Variants in DLG2 observed in about 807,000 individuals in gnomAD.
DLG2 encodes disks large homolog 2.
A neutral mutation model predicts 132.5 loss-of-function variants in DLG2; 45 were observed. The ratio of observed to expected loss-of-function variants is 0.34; its 90% CI spans 0.27 to 0.44. The LOEUF is 0.44. Ranked by LOEUF, DLG2 falls within the 20% of genes least tolerant of loss-of-function variation. DLG2 has a pLI of 1.00. For synonymous variants in DLG2, 424 were observed against 419.6 expected, an observed-to-expected ratio of 1.01 and a Z score of -0.13; for missense variants, 1,045 against 1,196.9, an observed-to-expected ratio of 0.87 and a Z score of 1.87.
intron 6 of DLG2, among the ~76,000 whole-genome samples, chr11:85,063,051 C>T (rs933692063): frequency 2.9e-4 from 44 of 151,752 alleles, no homozygotes; most frequent in African/African-American, 1.0e-3. Flanking sequence ...TTAACAAAAT[C>T]TTATATTAAA....
At chr11:84,051,694 A>G (rs560211377) in intron 11 of DLG2, among the ~76,000 whole-genome samples, 2 of 151,684 alleles carry the variant, frequency 1.3e-5, no homozygotes, top group Non-Finnish European at 2.9e-5. Flanking sequence ...TACTGGGTGC[A>G]GCACACCAAC....
At chr11:84,128,338 C>G (rs1000232450) in intron 9 of DLG2, among the ~76,000 whole-genome samples, 2 of 152,076 alleles carry the variant, frequency 1.3e-5, no homozygotes, top group Non-Finnish European at 2.9e-5. Context: ...TCAATGTATA[C>G]TTTGTTGGAG....
intron 7 of DLG2, among the ~76,000 whole-genome samples, chr11:84,284,933 G>A (rs962005499): frequency 1.1e-4 from 17 of 152,184 alleles, no homozygotes; most frequent in African/African-American, 1.9e-4. Context: ...ATAGGTGGAC[G>A]TAGAAAATGT....
intron 7 of DLG2, among the ~76,000 whole-genome samples, chr11:84,394,074 A>C (rs2098802528): frequency 6.6e-6 from 1 of 151,922 alleles, no homozygotes; most frequent in Non-Finnish European, 1.5e-5. Flanking sequence ...ACAGGGTTTC[A>C]CTATGTTGGC....
intron 19 of DLG2, among the ~76,000 whole-genome samples, chr11:83,625,948 AT>A (rs2062448393): frequency 1.3e-5 from 2 of 152,108 alleles, no homozygotes; most frequent in Non-Finnish European, 2.9e-5. Context: ...ATATTTTAAT[AT>A]TTTCTCTCAC....
chr11:84,297,382 T>A (rs2098105421), intron 7 of DLG2, among the ~76,000 whole-genome samples: 1 of 152,150 alleles, frequency 6.6e-6, no homozygotes, highest in Non-Finnish European at 1.5e-5. Context: ...CAGGAAGAGA[T>A]ATATAATACC....
intron 3 of DLG2, among the ~76,000 whole-genome samples, chr11:85,495,083 T>C (rs908436161): frequency 5.9e-5 from 9 of 152,030 alleles, no homozygotes; most frequent in Admixed American, 3.9e-4. Context: ...CCAATGAACA[T>C]ATAAAGAGAT....
At chr11:84,878,080 G>A (rs1566241483) in intron 6 of DLG2, among the ~76,000 whole-genome samples, 2 of 152,214 alleles carry the variant, frequency 1.3e-5, no homozygotes, top group Non-Finnish European at 2.9e-5. Flanking sequence ...TGGAGAGTAT[G>A]TGAAGAAATA....
intron 4 of DLG2, among the ~76,000 whole-genome samples, chr11:85,210,507 G>A (rs945130658): frequency 1.3e-5 from 2 of 152,070 alleles, no homozygotes; most frequent in African/African-American, 2.4e-5. Flanking sequence ...TATCTAAAAT[G>A]GCAGTCTCAT....
At chr11:84,677,121 G>A (rs1454647577) in intron 6 of DLG2, among the ~76,000 whole-genome samples, 1 of 152,006 alleles carries the variant, frequency 6.6e-6, no homozygotes, top group East Asian at 1.9e-4. Context: ...GAAAAATGTA[G>A]GTGCGTGACT....
chr11:84,080,185 G>A (rs147506981), intron 10 of DLG2, among the ~76,000 whole-genome samples: 1 of 152,120 alleles, frequency 6.6e-6, no homozygotes, highest in South Asian at 2.1e-4. Flanking sequence ...AATATTTATA[G>A]GGCCAATAAA....
intron 6 of DLG2, among the ~76,000 whole-genome samples, chr11:84,785,913 T>C (rs1477839824): frequency 1.3e-5 from 2 of 152,144 alleles, no homozygotes; most frequent in African/African-American, 4.8e-5. Flanking sequence ...TTCCATCTTG[T>C]CATTTTCCTA....
At chr11:84,180,678 G>T (rs1318947618) in intron 8 of DLG2, among the ~76,000 whole-genome samples, 1 of 152,010 alleles carries the variant, frequency 6.6e-6, no homozygotes, top group Admixed American at 6.6e-5. Flanking sequence ...AGAAGCTAGT[G>T]GGGGCAGGTG....
intron 3 of DLG2, among the ~76,000 whole-genome samples, chr11:85,401,033 A>T (rs2088037320): frequency 6.6e-6 from 1 of 152,012 alleles, no homozygotes; most frequent in Non-Finnish European, 1.5e-5. Context: ...ACATAACAAA[A>T]AAAAAAGAGA....
intron 6 of DLG2, among the ~76,000 whole-genome samples, chr11:84,763,045 T>C (rs943087523): frequency 6.6e-6 from 1 of 152,204 alleles, no homozygotes; most frequent in African/African-American, 2.4e-5. Context: ...ATTCTCCCCA[T>C]TATGACTTGT....
At chr11:84,544,580 T>C (rs1249433027) in intron 6 of DLG2, among the ~76,000 whole-genome samples, 9 of 152,246 alleles carry the variant, frequency 5.9e-5, no homozygotes, top group Non-Finnish European at 1.0e-4. Flanking sequence ...GCATGAATTC[T>C]GGCATTAGAC....
At chr11:84,373,560 ACT>A (rs1251565899) in intron 7 of DLG2, among the ~76,000 whole-genome samples, 1 of 151,516 alleles carries the variant, frequency 6.6e-6, no homozygotes, top group Admixed American at 6.6e-5. Context: ...ACAGAGCAAG[ACT>A]CTGTCTAAAA....
intron 6 of DLG2, among the ~76,000 whole-genome samples, chr11:84,716,369 T>C (rs944048742): frequency 3.3e-5 from 5 of 152,080 alleles, no homozygotes; most frequent in African/African-American, 1.2e-4. Flanking sequence ...AAATAACAAA[T>C]ATTCTTTTAT....
intron 7 of DLG2, among the ~76,000 whole-genome samples, chr11:84,327,207 C>G (rs2098437067): frequency 6.7e-6 from 1 of 149,098 alleles, no homozygotes; most frequent in Non-Finnish European, 1.5e-5. Flanking sequence ...ACCTCTGCCT[C>G]CTGGTAGCAG....
Sources: allele counts gnomAD v4.1 joint callset (sites outside exome capture counted in the v4.1 genomes callset), GRCh38; gene constraint gnomAD v4.1.1; transcripts MANE v1.5; gene names NCBI Gene and HGNC (gene_info 2026-07-23, HGNC 2026-07-21).